The following IMMP2L variants were observed in gnomAD, a reference collection of about 807,000 sequenced individuals.
IMMP2L encodes the protein mitochondrial inner membrane protease subunit 2.
A neutral mutation model predicts 19.3 loss-of-function variants in IMMP2L; 18 were observed. The ratio of observed to expected loss-of-function variants is 0.93; its 90% CI spans 0.64 to 1.38. The LOEUF is 1.38. Ranked by LOEUF, IMMP2L falls within the 40% of genes most tolerant of loss-of-function variation. The pLI, the probability that IMMP2L is intolerant of heterozygous loss-of-function variation, is 0.00. For missense variants in IMMP2L, 233 were observed against 218.2 expected (o/e 1.07, Z -0.43); for synonymous variants, 76 against 73.0 (o/e 1.04, Z -0.21).
intron 1 of IMMP2L, among the ~76,000 whole-genome samples, chr7:111,527,102 T>A (rs1240696709): frequency 1.3e-5 from 2 of 151,992 alleles, no homozygotes; most frequent in African/African-American, 2.4e-5. Flanking sequence ...TCTGTCTCTG[T>A]CTATAACCAG....
intron 3 of IMMP2L, among the ~76,000 whole-genome samples, chr7:111,009,877 C>G (rs561820409): frequency 6.6e-6 from 1 of 152,098 alleles, no homozygotes; most frequent in Non-Finnish European, 1.5e-5. Flanking sequence ...AACAAAGGCT[C>G]TGAACCTTGT....
chr7:111,172,727 T>A (rs189582907), intron 3 of IMMP2L, among the ~76,000 whole-genome samples: 6 of 151,710 alleles, frequency 4.0e-5, no homozygotes, highest in Admixed American at 6.6e-5. Flanking sequence ...CTTTCCCATA[T>A]GAGTGAGAAC....
chr7:111,514,357 C>G (rs1306568555), intron 2 of IMMP2L, among the ~76,000 whole-genome samples: 1 of 151,022 alleles, frequency 6.6e-6, no homozygotes, highest in African/African-American at 2.4e-5. Context: ...CATCGCACAC[C>G]GGGGCCTGTG....
chr7:111,187,532 C>CT, intron 3 of IMMP2L, among the ~76,000 whole-genome samples: 1 of 152,256 alleles, frequency 6.6e-6, no homozygotes, highest in South Asian at 2.1e-4. Flanking sequence ...TCTGGCCTTA[C>CT]TCATAGTATG....
chr7:111,187,815 C>G (rs1246444955), intron 3 of IMMP2L, among the ~76,000 whole-genome samples: 2 of 152,110 alleles, frequency 1.3e-5, no homozygotes, highest in Non-Finnish European at 2.9e-5. Context: ...GCCCAAATCA[C>G]TTATGTATTA....
chr7:111,138,121 G>T (rs1328673037), intron 3 of IMMP2L, among the ~76,000 whole-genome samples: 1 of 152,152 alleles, frequency 6.6e-6, no homozygotes, highest in Non-Finnish European at 1.5e-5. Flanking sequence ...CTGAGCCACC[G>T]TGACCAGCCT....
chr7:110,818,861 C>G (rs1182704241), intron 5 of IMMP2L, among the ~76,000 whole-genome samples: 4 of 148,428 alleles, frequency 2.7e-5, no homozygotes, highest in Non-Finnish European at 3.0e-5. Flanking sequence ...ATCGCAAGGA[C>G]AAAAAACCAA....
chr7:111,168,760 T>TA (rs1295839685), intron 3 of IMMP2L, among the ~76,000 whole-genome samples: 1 of 151,872 alleles, frequency 6.6e-6, no homozygotes, highest in Non-Finnish European at 1.5e-5. Flanking sequence ...TTGTCATGAG[T>TA]AAATAATCTG....
chr7:110,994,516 C>T (rs1019219294), intron 3 of IMMP2L, among the ~76,000 whole-genome samples: 4 of 152,084 alleles, frequency 2.6e-5, no homozygotes, highest in East Asian at 3.9e-4. Context: ...GTATGCCCTC[C>T]GCTTCTTTCT....
At chr7:110,742,954 A>G (rs542752024) in intron 5 of IMMP2L, among the ~76,000 whole-genome samples, 1 of 152,252 alleles carries the variant, frequency 6.6e-6, no homozygotes, top group East Asian at 1.9e-4. Flanking sequence ...TCCTAAAAGG[A>G]AAAACCACCT....
At chr7:111,047,946 A>G (rs6466372) in intron 3 of IMMP2L, among the ~76,000 whole-genome samples, 4 of 152,092 alleles carry the variant, frequency 2.6e-5, no homozygotes, top group East Asian at 1.9e-4. Flanking sequence ...GGATAGAAAT[A>G]TGGCTGCTTC....
At chr7:110,804,525 A>G (rs1427352301) in intron 5 of IMMP2L, among the ~76,000 whole-genome samples, 1 of 152,018 alleles carries the variant, frequency 6.6e-6, no homozygotes, top group Non-Finnish European at 1.5e-5. Flanking sequence ...GTCCTGTGGC[A>G]CACTACTAGC....
At chr7:111,116,888 G>T (rs747279496) in intron 3 of IMMP2L, among the ~76,000 whole-genome samples, 3 of 152,080 alleles carry the variant, frequency 2.0e-5, no homozygotes, top group Non-Finnish European at 4.4e-5. Flanking sequence ...AGAGAAAGTA[G>T]AACTTAGTGG....
At position 111,500,597 on chromosome 7, in the gene IMMP2L, C is replaced by A. The variant is rs563583991; in HGVS notation, c.136-13256G>T. On this transcript the variant is annotated intron_variant, in intron 2 of 5. Coordinates refer to ENST00000405709, the MANE Select transcript of IMMP2L (RefSeq NM_032549.4). Reference sequence around the variant, plus strand: ...ACACCTCACATGGCCGGGTACTCCTCTGAGACAAAACTTCCAGAGGAACAA... The same window carrying A: ...ACACCTCACATGGCCGGGTACTCCTATGAGACAAAACTTCCAGAGGAACAA... Among the ~76,000 whole-genome samples, 17 of 152,256 alleles carry A rather than the reference C, an allele frequency of 1.1e-4. No individual in the cohort carries two copies. The South Asian group carries it at 3.1e-3, about 28-fold the overall frequency.
At chr7:111,399,757 G>C (rs1397227986) in intron 3 of IMMP2L, among the ~76,000 whole-genome samples, 1 of 152,040 alleles carries the variant, frequency 6.6e-6, no homozygotes, top group Non-Finnish European at 1.5e-5. Context: ...TAAACATGTA[G>C]TAGTATATCC....
intron 3 of IMMP2L, among the ~76,000 whole-genome samples, chr7:111,479,809 C>A (rs1011674033): frequency 3.3e-5 from 5 of 151,938 alleles, no homozygotes; most frequent in Non-Finnish European, 5.9e-5. Flanking sequence ...AGAATGTTGC[C>A]TGTATAATTT....
intron 3 of IMMP2L, among the ~76,000 whole-genome samples, chr7:111,086,230 T>G (rs1056595847): frequency 8.9e-5 from 12 of 135,058 alleles, no homozygotes; most frequent in African/African-American, 3.4e-4. Flanking sequence ...CTGGGCAGCA[T>G]AGAGAGACCC....
At chr7:110,843,025 A>G (rs1805255615) in intron 5 of IMMP2L, among the ~76,000 whole-genome samples, 2 of 152,290 alleles carry the variant, frequency 1.3e-5, no homozygotes, top group African/African-American at 4.8e-5. Context: ...AAAATCTGAG[A>G]TAAAATGCAT....
intron 3 of IMMP2L, chr7:111,125,002 T>TA: frequency 3.6e-6 from 3 of 835,464 alleles, no homozygotes; most frequent in Non-Finnish European, 5.4e-6. Flanking sequence ...AACAAAAAAG[T>TA]AAAAAAAGAT....
Sources: allele counts gnomAD v4.1 joint callset (sites outside exome capture counted in the v4.1 genomes callset), GRCh38; gene constraint gnomAD v4.1.1; transcripts MANE v1.5; gene names NCBI Gene and HGNC (gene_info 2026-07-23, HGNC 2026-07-21).